The following FHOD3 variants were observed in gnomAD, a reference collection of about 807,000 sequenced individuals.
The protein encoded by FHOD3 is FH1/FH2 domain-containing protein 3.
Under a neutral mutation model 173.0 loss-of-function variants are expected in FHOD3, and 90 were observed. The ratio of observed to expected loss-of-function variants is 0.52; its 90% CI spans 0.44 to 0.62. The LOEUF (loss-of-function observed/expected upper bound fraction) is 0.62. Among genes scored for constraint, FHOD3 ranks in the 20% least tolerant of loss-of-function variants. FHOD3 has a pLI of 0.00. For missense variants in FHOD3, 1,945 were observed against 2,034.7 expected, an observed-to-expected ratio of 0.96 and a Z score of 0.85; for synonymous variants, 828 against 823.0, an observed-to-expected ratio of 1.01 and a Z score of -0.10.
Position 36,718,283 on chromosome 18 carries a change from G to C in FHOD3, c.2985G>C (p.Met995Ile), listed in dbSNP as rs1348419097. The C allele has an allele frequency of 6.2e-7, 1 of 1,614,026 alleles. No homozygotes were observed. Among genetic ancestry groups the C allele is most frequent in the South Asian group, 1.1e-5 (1 of 91,080 alleles). The stretch of plus-strand genomic sequence containing the variant: ...CAAGAGAGCTCAGAATCCAAGACAT[G>C]GATTTCACTGACCTGGGGGAGGAGG... Reference protein sequence around the residue: ...ANPRELRIQDMDFTDLGEEDD... With the variant: ...ANPRELRIQDIDFTDLGEEDD... Residue 995 changes from methionine to isoleucine, a missense_variant, in exon 19 of 29, where the codon ATG becomes ATC. Coordinates refer to ENST00000590592, the MANE Select transcript of FHOD3 (RefSeq NM_001281740.3).
At chr18:36,449,420 T>C (rs2051691653) in intron 3 of FHOD3, among the ~76,000 whole-genome samples, 1 of 152,220 alleles carries the variant, frequency 6.6e-6, no homozygotes, top group Admixed American at 6.5e-5. Context: ...GTCATCCGTA[T>C]GTTATTCGTG....
intron 5 of FHOD3, among the ~76,000 whole-genome samples, chr18:36,546,085 T>A (rs1406499135): frequency 2.6e-5 from 4 of 152,238 alleles, no homozygotes; most frequent in African/African-American, 9.6e-5. Flanking sequence ...GAGAAGTAAG[T>A]GCTGGTGCTT....
intron 1 of FHOD3, among the ~76,000 whole-genome samples, chr18:36,337,637 T>C (rs2045389045): frequency 6.6e-6 from 1 of 152,198 alleles, no homozygotes; most frequent in Admixed American, 6.5e-5. Flanking sequence ...CTTGTGTTTT[T>C]TTCTTTCTTT....
chr18:36,748,389 AC>A (rs2042255666), intron 24 of FHOD3, among the ~76,000 whole-genome samples: 2 of 119,116 alleles, frequency 1.7e-5, no homozygotes, highest in African/African-American at 7.5e-5. Flanking sequence ...CACAACACAC[AC>A]ACACACACAC....
At chr18:36,479,200 C>G (rs1200931814) in intron 3 of FHOD3, among the ~76,000 whole-genome samples, 1 of 152,140 alleles carries the variant, frequency 6.6e-6, no homozygotes, top group Non-Finnish European at 1.5e-5. Context: ...TAAATTAATT[C>G]TCAAGAAAAT....
intron 5 of FHOD3, among the ~76,000 whole-genome samples, chr18:36,520,066 T>A (rs916611316): frequency 2.6e-5 from 4 of 151,082 alleles, no homozygotes; most frequent in African/African-American, 9.7e-5. Flanking sequence ...CATGTGATAC[T>A]CCTGCCTCAG....
At chr18:36,383,231 G>A (rs941230228) in intron 3 of FHOD3, among the ~76,000 whole-genome samples, 3 of 152,180 alleles carry the variant, frequency 2.0e-5, no homozygotes, top group Non-Finnish European at 4.4e-5. Flanking sequence ...TGGAAGGGGC[G>A]AGGGAATTTT....
intron 3 of FHOD3, among the ~76,000 whole-genome samples, chr18:36,399,103 G>A (rs112103107): frequency 2.0e-5 from 3 of 150,942 alleles, no homozygotes; most frequent in African/African-American, 4.9e-5. Flanking sequence ...AGAGATCTAC[G>A]CCACCCTTCC....
intron 10 of FHOD3, among the ~76,000 whole-genome samples, chr18:36,646,043 T>C (rs2149040634): frequency 6.6e-6 from 1 of 152,236 alleles, no homozygotes; most frequent in South Asian, 2.1e-4. Flanking sequence ...CATTTCTTCA[T>C]AATGTTGGAG....
intron 6 of FHOD3, among the ~76,000 whole-genome samples, chr18:36,594,312 G>A (rs1455517437): frequency 6.6e-6 from 1 of 151,984 alleles, no homozygotes; most frequent in Non-Finnish European, 1.5e-5. Flanking sequence ...TGGGGTACTT[G>A]GTTCCGGTTC....
At chr18:36,465,434 C>G (rs1385183125) in intron 3 of FHOD3, among the ~76,000 whole-genome samples, 2 of 152,126 alleles carry the variant, frequency 1.3e-5, no homozygotes, top group Admixed American at 6.6e-5. Context: ...CCTGGACTGG[C>G]GAGGGCTGAG....
At chr18:36,770,631 G>A (rs972117878) in intron 28 of FHOD3, among the ~76,000 whole-genome samples, 3 of 152,128 alleles carry the variant, frequency 2.0e-5, no homozygotes, top group African/African-American at 7.2e-5. Context: ...CAGTAAGATG[G>A]GTGGACTGAG....
chr18:36,653,059 T>G (rs1301722201), intron 12 of FHOD3, 130 bp downstream of exon 12: 2 of 1,268,580 alleles, frequency 1.6e-6, no homozygotes, highest in African/African-American at 3.0e-5. Context: ...GGAGCAGTTG[T>G]GGCATAAACT....
intron 6 of FHOD3, among the ~76,000 whole-genome samples, chr18:36,586,307 T>G (rs1397829389): frequency 6.6e-6 from 1 of 152,192 alleles, no homozygotes; most frequent in African/African-American, 2.4e-5. Flanking sequence ...ATAGCCTCCT[T>G]AGAATGTGAA....
At chr18:36,587,798 C>A (rs2059086337) in intron 6 of FHOD3, among the ~76,000 whole-genome samples, 1 of 152,110 alleles carries the variant, frequency 6.6e-6, no homozygotes, top group Non-Finnish European at 1.5e-5. Flanking sequence ...GAAGAAAATG[C>A]CAATTTGTAG....
At chr18:36,615,508 A>T (rs1015928137) in intron 9 of FHOD3, among the ~76,000 whole-genome samples, 2 of 152,190 alleles carry the variant, frequency 1.3e-5, no homozygotes, top group African/African-American at 4.8e-5. Context: ...ATGATGAGGG[A>T]CATAGTAGTC....
At chr18:36,356,838 T>G (rs1254613840) in intron 2 of FHOD3, among the ~76,000 whole-genome samples, 1 of 151,750 alleles carries the variant, frequency 6.6e-6, no homozygotes, top group Non-Finnish European at 1.5e-5. Context: ...GGTTTTGTCA[T>G]GTTGCCCAGG....
At chr18:36,554,264 T>C (rs1313624004) in intron 5 of FHOD3, among the ~76,000 whole-genome samples, 1 of 152,096 alleles carries the variant, frequency 6.6e-6, no homozygotes, top group African/African-American at 2.4e-5. Flanking sequence ...TAGACTGGAT[T>C]AAGAAAATGT....
chr18:36,756,877 C>G (rs1023842975), intron 25 of FHOD3, among the ~76,000 whole-genome samples: 27 of 152,176 alleles, frequency 1.8e-4, no homozygotes, highest in Non-Finnish European at 4.4e-5. Context: ...TGTATCCTTT[C>G]CTGAAATCTC....
Sources: gnomAD v4.1 joint callset for allele counts (sites outside exome capture counted in the v4.1 genomes callset) on GRCh38, gnomAD v4.1.1 for gene constraint, MANE v1.5 for transcripts, NCBI Gene and HGNC (gene_info 2026-07-23, HGNC 2026-07-21) for gene names.